Variants in EHBP1 observed in about 807,000 individuals in gnomAD.
The protein encoded by EHBP1 is EH domain binding protein 1.
In EHBP1, 55 loss-of-function variants were observed where a neutral mutation model predicts 144.0. That is an observed-to-expected ratio of 0.38 (90% CI 0.31 to 0.48). The LOEUF (loss-of-function observed/expected upper bound fraction) is 0.48, where lower values mean the gene tolerates loss of function less well. Among genes scored for constraint, EHBP1 ranks in the 20% least tolerant of loss-of-function variants. The pLI is 0.98. For synonymous variants in EHBP1, 469 were observed against 472.7 expected (o/e 0.99, Z 0.10); for missense variants, 1,200 against 1,364.2 (o/e 0.88, Z 1.90).
intron 2 of EHBP1, among the ~76,000 whole-genome samples, chr2:62,731,001 C>G (rs2037540722): frequency 6.7e-6 from 1 of 150,192 alleles, no homozygotes; most frequent in African/African-American, 2.5e-5. Flanking sequence ...GTCTATAGAT[C>G]AAATTGGGAA....
chr2:62,763,054 G>C (rs1255014060), intron 3 of EHBP1, among the ~76,000 whole-genome samples: 1 of 152,030 alleles, frequency 6.6e-6, no homozygotes, highest in Non-Finnish European at 1.5e-5. Flanking sequence ...CACCTTTCCA[G>C]TTGCTGGTTT....
chr2:63,024,269 G>A (rs1207196120), intron 19 of EHBP1, among the ~76,000 whole-genome samples: 6 of 152,274 alleles, frequency 3.9e-5, no homozygotes, highest in East Asian at 3.9e-4. Flanking sequence ...ACTTGAACTC[G>A]GGAGGTGGAG....
At chr2:62,710,384 T>A in intron 2 of EHBP1, among the ~76,000 whole-genome samples, 1 of 151,998 alleles carries the variant, frequency 6.6e-6, no homozygotes, top group Non-Finnish European at 1.5e-5. Context: ...ATTTCTTCCA[T>A]CTAATTCTTA....
At chr2:62,686,513 A>G (rs1237762332) in intron 1 of EHBP1, among the ~76,000 whole-genome samples, 2 of 152,172 alleles carry the variant, frequency 1.3e-5, no homozygotes, top group African/African-American at 4.8e-5. Flanking sequence ...TGATGAATAC[A>G]TGCCATATGG....
intron 2 of EHBP1, among the ~76,000 whole-genome samples, chr2:62,724,980 C>T (rs2036612046): frequency 6.6e-6 from 1 of 152,200 alleles, no homozygotes; most frequent in African/African-American, 2.4e-5. Flanking sequence ...AGATTGGGGA[C>T]TGCTGACCTA....
chr2:62,804,947 TC>T (rs1553421681), intron 5 of EHBP1, among the ~76,000 whole-genome samples: 2 of 152,172 alleles, frequency 1.3e-5, no homozygotes, highest in Non-Finnish European at 2.9e-5. Flanking sequence ...CCTGAAACCA[TC>T]CCCTGCCCTT....
intron 19 of EHBP1, among the ~76,000 whole-genome samples, chr2:63,026,566 A>G (rs971906160): frequency 1.3e-5 from 2 of 152,202 alleles, no homozygotes; most frequent in Non-Finnish European, 2.9e-5. Context: ...AAGTTCATAT[A>G]GCTCTTAAAG....
At chr2:62,820,556 T>C (rs1422031863) in intron 5 of EHBP1, among the ~76,000 whole-genome samples, 1 of 151,612 alleles carries the variant, frequency 6.6e-6, no homozygotes, top group African/African-American at 2.4e-5. Context: ...ACCGCTATTC[T>C]GCTTTCTATT....
Position 62,763,681 on chromosome 2 carries a change from G to A in EHBP1, c.163-585G>A, listed in dbSNP as rs1658676901. On this transcript the variant is annotated intron_variant, in intron 3 of 22. Coordinates refer to ENST00000431489, the MANE Select transcript of EHBP1 (RefSeq NM_001142616.3). ...GGTTACCCCCAAATTTTGGAGTGTGGAGGTTCCTTAGGGAACCTTGATAAT... is the reference window on the plus strand; with the variant it reads ...GGTTACCCCCAAATTTTGGAGTGTGAAGGTTCCTTAGGGAACCTTGATAAT... 2.0e-5 allele frequency among the ~76,000 whole-genome samples: 3 copies of A among 152,072 alleles called. No homozygotes were observed. The South Asian group carries it at 6.2e-4, about 31-fold the overall frequency.
intron 4 of EHBP1, among the ~76,000 whole-genome samples, chr2:62,770,033 G>A (rs2041531102): frequency 6.6e-6 from 1 of 152,102 alleles, no homozygotes; most frequent in Non-Finnish European, 1.5e-5. Context: ...ATGAGTTGAA[G>A]ACTTAAATGT....
At chr2:62,749,064 C>G (rs2039425489) in intron 3 of EHBP1, among the ~76,000 whole-genome samples, 1 of 152,086 alleles carries the variant, frequency 6.6e-6, no homozygotes, top group Admixed American at 6.6e-5. Context: ...ATACATGTGC[C>G]ATGTTGGTGT....
intron 8 of EHBP1, among the ~76,000 whole-genome samples, chr2:62,861,055 A>G (rs946468038): frequency 7.3e-5 from 11 of 150,372 alleles, no homozygotes; most frequent in Admixed American, 4.6e-4. Context: ...ATGTGTTGCA[A>G]TTGTTCAGAT....
intron 5 of EHBP1, among the ~76,000 whole-genome samples, chr2:62,821,647 T>C (rs1362771080): frequency 6.6e-6 from 1 of 152,156 alleles, no homozygotes; most frequent in Non-Finnish European, 1.5e-5. Context: ...ACCACTGCAC[T>C]CTATCCTGGG....
intron 21 of EHBP1, among the ~76,000 whole-genome samples, chr2:63,043,241 T>C (rs1455071745): frequency 1.3e-5 from 2 of 152,218 alleles, no homozygotes; most frequent in African/African-American, 4.8e-5. Context: ...CTCAGTTGCA[T>C]TTAAATCCAA....
At chr2:62,951,541 G>A (rs376349575) in intron 13 of EHBP1, among the ~76,000 whole-genome samples, 5 of 141,766 alleles carry the variant, frequency 3.5e-5, no homozygotes, top group South Asian at 2.4e-4. Flanking sequence ...TTTTGGGGGG[G>A]GGGGGTGGAG....
At chr2:62,838,556 G>T (rs1169522990) in intron 7 of EHBP1, among the ~76,000 whole-genome samples, 2 of 152,034 alleles carry the variant, frequency 1.3e-5, no homozygotes, top group Non-Finnish European at 2.9e-5. Context: ...CCAGGAGCTG[G>T]TTTTTTGAAA....
intron 3 of EHBP1, 84 bp downstream of exon 3, chr2:62,747,536 A>C (rs1391013249): frequency 9.6e-7 from 1 of 1,045,746 alleles, no homozygotes; most frequent in Non-Finnish European, 1.4e-6. Context: ...ATATTTTAAA[A>C]TATTACTTGA....
chr2:62,899,235 A>T (rs1022021885), intron 10 of EHBP1, among the ~76,000 whole-genome samples: 23 of 152,186 alleles, frequency 1.5e-4, no homozygotes, highest in Non-Finnish European at 2.5e-4. Flanking sequence ...ATTCAGGACA[A>T]CATTGAGAAC....
intron 6 of EHBP1, 114 bp downstream of exon 6, chr2:62,826,382 C>A: frequency 9.8e-7 from 1 of 1,019,648 alleles, no homozygotes; most frequent in Non-Finnish European, 1.4e-6. Flanking sequence ...TCATTTTTGC[C>A]ATTCTTTGTT....
Sources: gnomAD v4.1 joint callset for allele counts (sites outside exome capture counted in the v4.1 genomes callset) on GRCh38, gnomAD v4.1.1 for gene constraint, MANE v1.5 for transcripts, NCBI Gene and HGNC (gene_info 2026-07-23, HGNC 2026-07-21) for gene names.